GLRA3: variants seen among roughly 807,000 people sequenced by gnomAD.
GLRA3 encodes glycine receptor alpha 3.
GLRA3 carries 44 observed loss-of-function variants against 60.4 expected under a neutral mutation model. That is an observed-to-expected ratio of 0.73 (90% CI 0.57 to 0.94). The LOEUF (loss-of-function observed/expected upper bound fraction) is 0.94, where lower values mean the gene tolerates loss of function less well. GLRA3 is among the 40% of genes least tolerant of loss of function. The probability of loss-of-function intolerance (pLI) is 0.00; values close to 1 mark genes in which losing one functional copy is unlikely to be tolerated. For synonymous variants in GLRA3, 223 were observed against 192.9 expected, an observed-to-expected ratio of 1.16 and a Z score of -1.29; for missense variants, 508 against 564.6, an observed-to-expected ratio of 0.90 and a Z score of 1.02.
rs148643065 is a variant in GLRA3 at position 174,744,381 on chromosome 4, T to A, written c.268-15683A>T. ...TACTGACACAGGTGCTGGTGTATGCTGCCCTGGGAGCCGAAGAACAGGCAC... is the reference window on the plus strand; with the variant it reads ...TACTGACACAGGTGCTGGTGTATGCAGCCCTGGGAGCCGAAGAACAGGCAC... On this transcript the variant is annotated intron_variant, in intron 3 of 9. Coordinates refer to ENST00000274093, the MANE Select transcript of GLRA3 (RefSeq NM_006529.4). Among the ~76,000 whole-genome samples the A allele has an allele frequency of 4.2e-3, 635 of 152,338 alleles. 1 individual carries two copies. The highest frequency in any genetic ancestry group is 0.014 in the African/African-American group (597 of 41,588).
At chr4:174,723,693 T>C (rs1389985639) in intron 4 of GLRA3, among the ~76,000 whole-genome samples, 1 of 152,040 alleles carries the variant, frequency 6.6e-6, no homozygotes, top group Admixed American at 6.6e-5. Context: ...TGACACCTTT[T>C]ACAAAAATAA....
chr4:174,767,125 CA>C, intron 2 of GLRA3, 95 bp from the exon 3 acceptor site: 1 of 20,962 alleles, frequency 4.8e-5, no homozygotes, highest in Non-Finnish European at 1.1e-4. Context: ...TTCCATTTTA[CA>C]CACACACACA....
intron 4 of GLRA3, 41 bp from the exon 5 acceptor site, chr4:174,715,611 A>G (rs1735888721): frequency 2.2e-6 from 2 of 894,004 alleles, no homozygotes; most frequent in Non-Finnish European, 3.7e-6. Context: ...AATTTATGAC[A>G]TTATATTAAT....
chr4:174,672,538 T>C (rs900760792), intron 7 of GLRA3, among the ~76,000 whole-genome samples: 1 of 152,036 alleles, frequency 6.6e-6, no homozygotes, highest in Non-Finnish European at 1.5e-5. Flanking sequence ...TCTGCTTGCC[T>C]TCTTGATCTC....
At chr4:174,763,149 A>C (rs1171344530) in intron 3 of GLRA3, among the ~76,000 whole-genome samples, 1 of 152,144 alleles carries the variant, frequency 6.6e-6, no homozygotes, top group Non-Finnish European at 1.5e-5. Context: ...ACTAGATGGG[A>C]GTTAAGGACC....
intron 7 of GLRA3, among the ~76,000 whole-genome samples, chr4:174,673,427 TAAG>T (rs1333155100): frequency 6.6e-6 from 1 of 152,092 alleles, no homozygotes; most frequent in Non-Finnish European, 1.5e-5. Flanking sequence ...TGAATCCTCC[TAAG>T]AAGGAGGATT....
chr4:174,644,175 G>C (rs779025643), intron 9 of GLRA3, 111 bp from the exon 10 acceptor site: 63 of 680,468 alleles, frequency 9.3e-5, no homozygotes, highest in Admixed American at 4.2e-4. Context: ...ATTAATATAA[G>C]GAAAAGATAA....
At chr4:174,754,470 A>G (rs1202688612) in intron 3 of GLRA3, among the ~76,000 whole-genome samples, 1 of 152,168 alleles carries the variant, frequency 6.6e-6, no homozygotes. Flanking sequence ...TTTTAACATT[A>G]AAAGGATAGC....
At chr4:174,711,310 A>G (rs1032848548) in intron 5 of GLRA3, among the ~76,000 whole-genome samples, 1 of 151,706 alleles carries the variant, frequency 6.6e-6, no homozygotes, top group Non-Finnish European at 1.5e-5. Flanking sequence ...TGTTTTGTTC[A>G]AATATACTGT....
rs759857592 is a variant in GLRA3, at chr4:174,659,186, G to C, written c.939C>G (p.Val313=). Reference sequence around the variant, plus strand: ...CTGCCATCCAAATATCAATAGCTTTGACATATGAAACCTAGCCAAGAGAGA... The same window carrying C: ...CTGCCATCCAAATATCAATAGCTTTCACATATGAAACCTAGCCAAGAGAGA... ...SRASLPKVSY[V]KAIDIWMAVC... Residue 313 remains valine, a synonymous_variant, in exon 8 of 10, where the codon GTC becomes GTG. Transcript: ENST00000274093. The C allele has an allele frequency of 6.2e-7, 1 of 1,611,064 alleles. No homozygotes were observed. Among genetic ancestry groups the C allele is most frequent in the East Asian group, 2.2e-5 (1 of 44,716 alleles).
intron 3 of GLRA3, among the ~76,000 whole-genome samples, chr4:174,754,090 T>C (rs754076824): frequency 1.6e-4 from 25 of 152,172 alleles, no homozygotes; most frequent in Non-Finnish European, 2.6e-4. Context: ...TTCTCTATGA[T>C]ATTCTGTATG....
At chr4:174,673,735 C>G (rs1733996763) in intron 7 of GLRA3, among the ~76,000 whole-genome samples, 1 of 152,078 alleles carries the variant, frequency 6.6e-6, no homozygotes, top group Non-Finnish European at 1.5e-5. Context: ...GGCTGGATGT[C>G]TTTGGTCAGA....
Position 174,643,645 on chromosome 4 carries a change from C to A in GLRA3, c.*141G>T. On this transcript the variant is annotated 3_prime_UTR_variant, in exon 10 of 10. Transcript: ENST00000274093. ...TTTCTCATGACTTTGCATAGCTAAC[C>A]AAAATACAAAGCTTTTCCATATGCC... 4 of 1,387,884 alleles carry A rather than the reference C, an allele frequency of 2.9e-6. No individual in the cohort carries two copies. Among genetic ancestry groups the A allele is most frequent in the East Asian group, 2.5e-5 (1 of 40,764 alleles). The allele number at this position is 1,387,884 out of a possible 1,614,324, so 86.0% of individuals were successfully genotyped here.
At chr4:174,691,479 C>G (rs1208870905) in intron 5 of GLRA3, among the ~76,000 whole-genome samples, 1 of 152,212 alleles carries the variant, frequency 6.6e-6, no homozygotes, top group Non-Finnish European at 1.5e-5. Flanking sequence ...CGGCTCACTG[C>G]AACCTCCCTG....
intron 3 of GLRA3, among the ~76,000 whole-genome samples, chr4:174,753,126 G>C (rs907763451): frequency 6.6e-6 from 1 of 152,108 alleles, no homozygotes; most frequent in Non-Finnish European, 1.5e-5. Flanking sequence ...GACTTCCTAA[G>C]TAACAAGGAA....
intron 2 of GLRA3, among the ~76,000 whole-genome samples, chr4:174,783,062 C>G (rs562196882): frequency 2.0e-5 from 3 of 152,308 alleles, no homozygotes; most frequent in Admixed American, 2.0e-4. Flanking sequence ...GACCTGACTT[C>G]CAACTATACT....
At chr4:174,823,482 A>C (rs1740831510) in intron 1 of GLRA3, among the ~76,000 whole-genome samples, 1 of 152,028 alleles carries the variant, frequency 6.6e-6, no homozygotes, top group African/African-American at 2.4e-5. Context: ...CCGAGATTGC[A>C]CCACTGCACT....
At chr4:174,805,462 C>A (rs1560809769) in intron 1 of GLRA3, among the ~76,000 whole-genome samples, 1 of 152,062 alleles carries the variant, frequency 6.6e-6, no homozygotes, top group Non-Finnish European at 1.5e-5. Flanking sequence ...AAGGGAGAAA[C>A]CAAGGGCTTC....
chr4:174,672,156 T>C (rs1733931274), intron 7 of GLRA3, among the ~76,000 whole-genome samples: 1 of 152,146 alleles, frequency 6.6e-6, no homozygotes, highest in Non-Finnish European at 1.5e-5. Context: ...GACTCATTAT[T>C]TTTTAATGTT....
Sources: gnomAD v4.1 joint callset for allele counts (sites outside exome capture counted in the v4.1 genomes callset) on GRCh38, gnomAD v4.1.1 for gene constraint, MANE v1.5 for transcripts, NCBI Gene and HGNC (gene_info 2026-07-23, HGNC 2026-07-21) for gene names.